GALNT1: variants seen among roughly 807,000 people sequenced by gnomAD.
GALNT1 encodes polypeptide N-acetylgalactosaminyltransferase 1.
GALNT1 carries 17 observed loss-of-function variants against 65.7 expected under a neutral mutation model. The observed-to-expected ratio is 0.26, with a 90% CI of 0.18 to 0.39. The LOEUF (loss-of-function observed/expected upper bound fraction) is 0.39, where lower values mean the gene tolerates loss of function less well. Ranked by LOEUF, GALNT1 falls within the 10% of genes least tolerant of loss-of-function variation. GALNT1 has a pLI of 1.00. For synonymous variants in GALNT1, 210 were observed against 219.7 expected (o/e 0.96, Z 0.39); for missense variants, 460 against 672.8 (o/e 0.68, Z 3.50).
At chr18:35,675,103 C>G (rs1211128751) in intron 3 of GALNT1, among the ~76,000 whole-genome samples, 2 of 151,924 alleles carry the variant, frequency 1.3e-5, no homozygotes, top group East Asian at 3.9e-4. Flanking sequence ...TCTGCTCATC[C>G]TCAGCTCTGT....
intron 1 of GALNT1, among the ~76,000 whole-genome samples, chr18:35,635,617 T>A (rs182369103): frequency 2.7e-4 from 41 of 152,298 alleles, no homozygotes; most frequent in African/African-American, 9.9e-4. Context: ...ACTGTTGGAT[T>A]TGTTGAATGC....
intron 1 of GALNT1, among the ~76,000 whole-genome samples, chr18:35,623,615 CT>C (rs893482600): frequency 6.6e-6 from 1 of 151,978 alleles, no homozygotes; most frequent in African/African-American, 2.4e-5. Flanking sequence ...TTTTTCTTTC[CT>C]TTTCAGATGG....
At chr18:35,667,508 CAAT>C (rs1163177727) in intron 3 of GALNT1, among the ~76,000 whole-genome samples, 2 of 152,122 alleles carry the variant, frequency 1.3e-5, no homozygotes, top group African/African-American at 4.8e-5. Flanking sequence ...ATAACATAAA[CAAT>C]GATACTTTCA....
intron 1 of GALNT1, among the ~76,000 whole-genome samples, chr18:35,648,326 CACA>C: frequency 6.6e-6 from 1 of 152,096 alleles, no homozygotes; most frequent in Non-Finnish European, 1.5e-5. Flanking sequence ...GATGATTTTG[CACA>C]ACTATATGCT....
chr18:35,689,089 A>ATAGT (rs1455757315), intron 6 of GALNT1, 84 bp from the exon 7 acceptor site: 15 of 853,742 alleles, frequency 1.8e-5, no homozygotes, highest in Admixed American at 3.6e-5. Flanking sequence ...GTAGTTATAA[A>ATAGT]TAGTTATGAA....
intron 1 of GALNT1, among the ~76,000 whole-genome samples, chr18:35,605,971 G>T (rs1258009837): frequency 6.6e-6 from 1 of 152,214 alleles, no homozygotes; most frequent in South Asian, 2.1e-4. Context: ...GAATATTTAG[G>T]CATTCATATT....
At chr18:35,630,289 T>C (rs541031355) in intron 1 of GALNT1, among the ~76,000 whole-genome samples, 3 of 152,206 alleles carry the variant, frequency 2.0e-5, no homozygotes, top group South Asian at 2.1e-4. Flanking sequence ...CCAAAATTGA[T>C]CACATAGTTG....
chr18:35,669,176 G>T (rs1217684907), intron 3 of GALNT1, among the ~76,000 whole-genome samples: 2 of 152,040 alleles, frequency 1.3e-5, no homozygotes, highest in Non-Finnish European at 2.9e-5. Flanking sequence ...GGGAGGCGGA[G>T]CTTGTAGTGA....
At chr18:35,698,869 G>C (rs2144715235) in intron 9 of GALNT1, among the ~76,000 whole-genome samples, 1 of 152,242 alleles carries the variant, frequency 6.6e-6, no homozygotes, top group East Asian at 1.9e-4. Context: ...TGTAATCCCA[G>C]CTACTTGGGA....
chr18:35,649,565 A>G (rs1332272509), intron 1 of GALNT1, among the ~76,000 whole-genome samples: 3 of 152,164 alleles, frequency 2.0e-5, no homozygotes, highest in Non-Finnish European at 4.4e-5. Flanking sequence ...CCTGAGTATA[A>G]ACAGATATTT....
At chr18:35,700,129 A>G (rs1242933601) in intron 9 of GALNT1, among the ~76,000 whole-genome samples, 2 of 152,186 alleles carry the variant, frequency 1.3e-5, no homozygotes, top group African/African-American at 4.8e-5. Flanking sequence ...TACACACCCC[A>G]TAGATGAGGT....
intron 11 of GALNT1, among the ~76,000 whole-genome samples, chr18:35,704,674 C>T (rs1040163489): frequency 4.0e-5 from 6 of 149,702 alleles, no homozygotes; most frequent in East Asian, 2.0e-4. Context: ...GATGGAGTCT[C>T]GCTCTTATCG....
intron 7 of GALNT1, among the ~76,000 whole-genome samples, chr18:35,690,549 TA>T (rs2047944790): frequency 6.6e-6 from 1 of 152,230 alleles, no homozygotes. Flanking sequence ...CTCTTAGGTA[TA>T]ATGGCCTGCA....
intron 4 of GALNT1, among the ~76,000 whole-genome samples, chr18:35,679,208 A>T (rs1486640803): frequency 6.6e-6 from 1 of 152,242 alleles, no homozygotes; most frequent in African/African-American, 2.4e-5. Context: ...AAGGAGGAAT[A>T]TATACAAACA....
chr18:35,591,711 C>T (rs868737023), intron 1 of GALNT1: 2 of 154,496 alleles, frequency 1.3e-5, no homozygotes, highest in Middle Eastern at 1.0e-3. Context: ...CATTGATTGA[C>T]ATAATCAGAA....
chr18:35,665,865 T>C (rs1196450683), intron 3 of GALNT1, among the ~76,000 whole-genome samples: 3 of 152,130 alleles, frequency 2.0e-5, no homozygotes, highest in Non-Finnish European at 2.9e-5. Flanking sequence ...GACGCTACCA[T>C]TTAAAACCTT....
intron 9 of GALNT1, among the ~76,000 whole-genome samples, chr18:35,693,606 G>A (rs796159281): frequency 3.9e-5 from 6 of 152,304 alleles, no homozygotes; most frequent in African/African-American, 1.4e-4. Flanking sequence ...TATCAAGCTT[G>A]AGACACTGAC....
chr18:35,588,519 T>C (rs556969243), intron 1 of GALNT1, among the ~76,000 whole-genome samples: 1 of 152,286 alleles, frequency 6.6e-6, no homozygotes, highest in East Asian at 1.9e-4. Flanking sequence ...TTTTGAGTAC[T>C]TTTTCAGCCT....
chr18:35,585,084 G>A (rs2046364709), intron 1 of GALNT1, among the ~76,000 whole-genome samples: 1 of 152,166 alleles, frequency 6.6e-6, no homozygotes, highest in Non-Finnish European at 1.5e-5. Flanking sequence ...GAGATTGTAG[G>A]TGGGGGAACT....
Sources: gnomAD v4.1 joint callset for allele counts (sites outside exome capture counted in the v4.1 genomes callset) on GRCh38, gnomAD v4.1.1 for gene constraint, MANE v1.5 for transcripts, NCBI Gene and HGNC (gene_info 2026-07-23, HGNC 2026-07-21) for gene names.